DCAF5: variants seen among roughly 807,000 people sequenced by gnomAD.
DCAF5 encodes DDB1 and CUL4 associated factor 5, also known as DDB1- and CUL4-associated factor 5.
DCAF5 carries 9 observed loss-of-function variants against 80.7 expected under a neutral mutation model. The observed-to-expected ratio is 0.11, with a 90% confidence interval of 0.07 to 0.19. The LOEUF (loss-of-function observed/expected upper bound fraction) is 0.19, where lower values mean the gene tolerates loss of function less well. Among genes scored for constraint, DCAF5 ranks in the 10% least tolerant of loss-of-function variants. The pLI is 1.00. For missense variants in DCAF5, 842 were observed against 1,205.7 expected (o/e 0.70, Z 4.47); for synonymous variants, 433 against 461.9 (o/e 0.94, Z 0.80).
intron 1 of DCAF5, among the ~76,000 whole-genome samples, chr14:69,142,394 CT>C (rs1167657180): frequency 6.6e-6 from 1 of 152,206 alleles, no homozygotes; most frequent in Non-Finnish European, 1.5e-5. Context: ...GAAGAGCAAA[CT>C]GAGTCCAAGA....
intron 2 of DCAF5, among the ~76,000 whole-genome samples, chr14:69,120,504 T>C (rs902005143): frequency 1.3e-5 from 2 of 152,206 alleles, no homozygotes; most frequent in South Asian, 2.1e-4. Context: ...ATATAAATTA[T>C]ATTCATGATA....
intron 5 of DCAF5, among the ~76,000 whole-genome samples, chr14:69,094,748 G>T (rs919293970): frequency 6.6e-6 from 1 of 152,140 alleles, no homozygotes; most frequent in Non-Finnish European, 1.5e-5. Flanking sequence ...AAAGATTCTG[G>T]CTTCAAGTGT....
At chr14:69,085,291 G>T in intron 6 of DCAF5, 1 of 715,794 alleles carries the variant, frequency 1.4e-6, no homozygotes, top group South Asian at 1.4e-5. Flanking sequence ...AGTAGGCAGT[G>T]GTGGATTTGG....
At position 69,118,314 on chromosome 14, in the gene DCAF5, T is replaced by G; in HGVS notation, c.396-36A>C. 6.2e-7 allele frequency: 1 copy of G among 1,609,564 alleles called. No individual in the cohort carries two copies. The highest frequency in any genetic ancestry group is 8.5e-7 in the Non-Finnish European group (1 of 1,177,062). ...AGAGAGCAAGACAGAGGCACACACA[T>G]ACACACAAGCATAGTGCAGAGTCCC... On this transcript the variant is annotated intron_variant, in intron 3 of 8. Coordinates refer to ENST00000341516, the MANE Select transcript of DCAF5 (RefSeq NM_003861.3). This position sits in a 1 kb window ranked among gnomAD's most constrained non-coding sequence, Gnocchi z 4.0.
chr14:69,110,269 A>T (rs1048282924), intron 5 of DCAF5, among the ~76,000 whole-genome samples: 40 of 94,636 alleles, frequency 4.2e-4, no homozygotes, highest in Middle Eastern at 8.1e-3. Context: ...CTTTTCACTT[A>T]CTTTTTTTTT....
intron 8 of DCAF5, among the ~76,000 whole-genome samples, chr14:69,059,133 C>T (rs2038100669): frequency 6.6e-6 from 1 of 152,170 alleles, no homozygotes; most frequent in African/African-American, 2.4e-5. Flanking sequence ...GTCACCCATG[C>T]TGGAGTGCAG....
intron 6 of DCAF5, among the ~76,000 whole-genome samples, chr14:69,081,623 A>G (rs778885010): frequency 2.0e-5 from 3 of 152,148 alleles, no homozygotes; most frequent in Non-Finnish European, 2.9e-5. Context: ...CTCTCTCTCA[A>G]TAGATTTCAG....
chr14:69,098,296 T>C (rs2039809024), intron 5 of DCAF5, among the ~76,000 whole-genome samples: 1 of 152,148 alleles, frequency 6.6e-6, no homozygotes, highest in South Asian at 2.1e-4. Flanking sequence ...CATTCAGTCT[T>C]TATTCAAATA....
At chr14:69,112,098 T>C (rs1226919840) in intron 5 of DCAF5, among the ~76,000 whole-genome samples, 3 of 152,236 alleles carry the variant, frequency 2.0e-5, no homozygotes, top group South Asian at 2.1e-4. Flanking sequence ...AATTTTACTT[T>C]GTAATTTTTC....
chr14:69,121,645 T>C (rs2040720944), intron 2 of DCAF5, among the ~76,000 whole-genome samples: 3 of 152,138 alleles, frequency 2.0e-5, no homozygotes, highest in Admixed American at 2.0e-4. Flanking sequence ...GGAACACAGG[T>C]AGATATCCAG....
chr14:69,096,223 A>G (rs1406050256), intron 5 of DCAF5, among the ~76,000 whole-genome samples: 1 of 152,198 alleles, frequency 6.6e-6, no homozygotes, highest in African/African-American at 2.4e-5. Flanking sequence ...AGGGAGATGA[A>G]GAACCTGGGC....
intron 7 of DCAF5, among the ~76,000 whole-genome samples, chr14:69,073,533 C>A (rs1016794247): frequency 6.6e-6 from 1 of 151,968 alleles, no homozygotes; most frequent in Non-Finnish European, 1.5e-5. Flanking sequence ...CATGCCTATA[C>A]GCCCAGCACT....
intron 1 of DCAF5, among the ~76,000 whole-genome samples, chr14:69,151,796 G>C (rs1339057599): frequency 6.6e-6 from 1 of 152,172 alleles, no homozygotes. Flanking sequence ...GGGAGCAATA[G>C]GCTATCGATT....
chr14:69,083,441 A>G lies in DCAF5; in HGVS notation c.880-8030T>C, dbSNP rs1182732332. On this transcript the variant is annotated intron_variant, in intron 6 of 8. Coordinates refer to ENST00000341516, the MANE Select transcript of DCAF5 (RefSeq NM_003861.3). ...AAACTCCTACGCAAGAAGATCAAGA[A>G]GTGGAACCTCAAACTGCGGCAGTGG... 4.0e-5 allele frequency: 13 copies of G among 321,150 alleles called. No individual in the cohort carries two copies. In the Middle Eastern group the frequency reaches 2.6e-3, roughly 64 times the overall value. The allele number at this position is 321,150 out of a possible 1,614,324, so 19.9% of individuals were successfully genotyped here.
At chr14:69,077,962 G>A (rs984434023) in intron 6 of DCAF5, among the ~76,000 whole-genome samples, 28 of 152,176 alleles carry the variant, frequency 1.8e-4, no homozygotes, top group African/African-American at 6.5e-4. Context: ...CAAAATGAGA[G>A]AACTGGACTG....
rs2037789119 is a variant in DCAF5 at position 69,052,348 on chromosome 14, C to T, written c.*1509G>A. Reference sequence around the variant, plus strand: ...TGAAAGGAAGCCTGGGGCAGTGAGGCCACACTAGTCAGCGTTCGGCCCTCC... The same window carrying T: ...TGAAAGGAAGCCTGGGGCAGTGAGGTCACACTAGTCAGCGTTCGGCCCTCC... On this transcript the variant is annotated 3_prime_UTR_variant, in exon 9 of 9. Transcript: ENST00000341516. The T allele has an allele frequency of 6.5e-6, 1 of 152,678 alleles. No homozygotes were observed. The highest frequency in any genetic ancestry group is 6.5e-5 in the Admixed American group (1 of 15,288). The allele number at this position is 152,678 out of a possible 1,614,324, so 9.5% of individuals were successfully genotyped here.
intron 5 of DCAF5, among the ~76,000 whole-genome samples, chr14:69,111,573 A>T (rs1424796692): frequency 6.6e-6 from 1 of 152,138 alleles, no homozygotes; most frequent in East Asian, 1.9e-4. Flanking sequence ...GACAGCTAAA[A>T]CCGGCAATGA....
At chr14:69,061,482 G>A (rs2038212753) in intron 8 of DCAF5, among the ~76,000 whole-genome samples, 1 of 152,174 alleles carries the variant, frequency 6.6e-6, no homozygotes, top group African/African-American at 2.4e-5. Context: ...GGCCAGGCTA[G>A]GACCCACTTT....
At chr14:69,096,990 G>C (rs2039740256) in intron 5 of DCAF5, among the ~76,000 whole-genome samples, 1 of 151,928 alleles carries the variant, frequency 6.6e-6, no homozygotes, top group Admixed American at 6.6e-5. Context: ...TAACAGTGCA[G>C]AAGGAGGGGG....
Sources: allele counts gnomAD v4.1 joint callset (sites outside exome capture counted in the v4.1 genomes callset), GRCh38; gene constraint gnomAD v4.1.1; non-coding constraint Gnocchi (gnomAD v3.1); transcripts MANE v1.5; gene names NCBI Gene and HGNC (gene_info 2026-07-23, HGNC 2026-07-21).